Variants in IPP observed in about 807,000 individuals in gnomAD.
IPP encodes actin-binding protein IPP.
IPP carries 41 observed loss-of-function variants against 64.1 expected under a neutral mutation model. That is an observed-to-expected ratio of 0.64 (90% CI 0.50 to 0.83). The LOEUF is 0.83. Ranked by LOEUF, IPP falls within the 40% of genes least tolerant of loss-of-function variation. The pLI, the probability that IPP is intolerant of heterozygous loss-of-function variation, is 0.00. For synonymous variants in IPP, 214 were observed against 235.2 expected, an observed-to-expected ratio of 0.91 and a Z score of 0.83; for missense variants, 649 against 703.0, an observed-to-expected ratio of 0.92 and a Z score of 0.87.
At chr1:45,725,053 CGGGA>C in intron 5 of IPP, among the ~76,000 whole-genome samples, 1 of 139,816 alleles carries the variant, frequency 7.2e-6, no homozygotes, top group African/African-American at 2.7e-5. Context: ...CCGCCCCGTC[CGGGA>C]GGGAGGTGGG....
At chr1:45,724,131 G>A (rs1213137485) in intron 5 of IPP, among the ~76,000 whole-genome samples, 1 of 152,060 alleles carries the variant, frequency 6.6e-6, no homozygotes, top group Non-Finnish European at 1.5e-5. Context: ...GCAGGCGCGC[G>A]CCGCCACGCC....
chr1:45,735,630 T>A (rs967437310), intron 3 of IPP, among the ~76,000 whole-genome samples: 5 of 137,036 alleles, frequency 3.6e-5, no homozygotes, highest in African/African-American at 1.4e-4. Context: ...TATTTTTTTT[T>A]TTTTTTTTTT....
At position 45,717,076 on chromosome 1, in the gene IPP, G is replaced by T. The variant is rs1645669609; in HGVS notation, c.1187-59C>A. The T allele has an allele frequency of 2.5e-5, 39 of 1,536,872 alleles. No homozygotes were observed. The South Asian group carries it at 4.3e-4, about 17-fold the overall frequency. On this transcript the variant is annotated intron_variant, in intron 6 of 8. Transcript: ENST00000396478. ...ATAAAAGATTCTTATTTATGACAAA[G>T]ACCTTAGAAAACATCTAAACCAAAT...
At chr1:45,741,460 G>A (rs1363894627) in intron 2 of IPP, 128 bp from the exon 3 acceptor site, 1 of 636,332 alleles carries the variant, frequency 1.6e-6, no homozygotes, top group Non-Finnish European at 2.6e-6. Context: ...ACTAAAAAAG[G>A]CAATCAAGGA....
intron 5 of IPP, among the ~76,000 whole-genome samples, chr1:45,725,008 T>A (rs1243963586): frequency 7.4e-3 from 272 of 36,676 alleles, no homozygotes; most frequent in Middle Eastern, 0.04. Context: ...CCCGTCCAGG[T>A]GGGAGGTGGG....
chr1:45,735,106 T>C (rs528568952), intron 3 of IPP, among the ~76,000 whole-genome samples: 3 of 150,588 alleles, frequency 2.0e-5, no homozygotes, highest in African/African-American at 7.3e-5. Context: ...TATTTTGAGA[T>C]GGAGTCTTGC....
At position 45,699,666 on chromosome 1, in the gene IPP, A is replaced by AT. The variant is rs1006241163; in HGVS notation, c.*299dup. 4.0e-5 allele frequency: 43 copies of AT among 1,085,780 alleles called. No homozygotes were observed. The highest frequency in any genetic ancestry group is 3.1e-4 in the East Asian group (6 of 19,432). The allele number at this position is 1,085,780 out of a possible 1,614,324, so 67.3% of individuals were successfully genotyped here. On this transcript the variant is annotated 3_prime_UTR_variant, in exon 9 of 9. Transcript: ENST00000396478. ...TTTTAGAAAAATCATTCTTGAGTTTATTTTTTTTCTTTAAGAGACAGGATC... is the reference window on the plus strand; with the variant it reads ...TTTTAGAAAAATCATTCTTGAGTTTATTTTTTTTTCTTTAAGAGACAGGATC...
intron 2 of IPP, 98 bp from the exon 3 acceptor site, chr1:45,741,430 T>C: frequency 2.4e-6 from 2 of 830,264 alleles, no homozygotes; most frequent in South Asian, 1.8e-5. Context: ...GATAGTTTGA[T>C]GCCTGCAGAG....
chr1:45,739,980 T>C (rs1488183287), intron 3 of IPP, among the ~76,000 whole-genome samples: 1 of 152,170 alleles, frequency 6.6e-6, no homozygotes, highest in Non-Finnish European at 1.5e-5. Context: ...CCTTCCGCAG[T>C]GTTTGTGTCC....
Position 45,730,994 on chromosome 1 carries a change from C to G in IPP, c.725-1225G>C, listed in dbSNP as rs529698584. On this transcript the variant is annotated intron_variant, in intron 3 of 8. Transcript: ENST00000396478. ...AACACTGTGCTAGCCAAAGTCCACA[C>G]TAGTGGGATACATCTCTGGCTAGGT... Among the ~76,000 whole-genome samples the G allele has an allele frequency of 4.6e-5, 7 of 152,332 alleles. No individual in the cohort carries two copies. The South Asian group carries it at 1.2e-3, about 27-fold the overall frequency.
intron 8 of IPP, among the ~76,000 whole-genome samples, chr1:45,707,422 C>CAAA (rs66578618): frequency 0.027 from 1,976 of 73,486 alleles, 83 homozygotes; most frequent in Non-Finnish European, 0.035. Context: ...GACTCCATAT[C>CAAA]AAAAAAAAAA....
intron 1 of IPP, among the ~76,000 whole-genome samples, chr1:45,746,956 G>C (rs1475027152): frequency 6.6e-6 from 1 of 152,076 alleles, no homozygotes; most frequent in Non-Finnish European, 1.5e-5. Flanking sequence ...CTTCCTCCAG[G>C]AACCTTTCCC....
intron 1 of IPP, among the ~76,000 whole-genome samples, 184 bp downstream of exon 1, chr1:45,750,413 G>A (rs1300496252): frequency 6.6e-6 from 1 of 152,236 alleles, no homozygotes; most frequent in Non-Finnish European, 1.5e-5. Context: ...GGACGAGAAG[G>A]TCTGGGGAGG....
intron 3 of IPP, among the ~76,000 whole-genome samples, chr1:45,733,453 A>G (rs1301128341): frequency 6.8e-6 from 1 of 147,452 alleles, no homozygotes. Flanking sequence ...AAATAAATAA[A>G]TAAATAAGCA....
At chr1:45,706,329 A>G (rs28442079) in intron 8 of IPP, among the ~76,000 whole-genome samples, 43,580 of 152,118 alleles carry the variant, frequency 0.29, 6,384 homozygotes, top group South Asian at 0.37. Context: ...GCTGGGTACC[A>G]TGGCATGTAT....
chr1:45,717,583 C>A (rs1331809157), intron 6 of IPP, among the ~76,000 whole-genome samples: 3 of 151,754 alleles, frequency 2.0e-5, no homozygotes, highest in Admixed American at 6.6e-5. Flanking sequence ...TCGGCTCAGG[C>A]TCAGTGCAAG....
intron 3 of IPP, among the ~76,000 whole-genome samples, chr1:45,739,496 C>T (rs1441700887): frequency 7.5e-6 from 1 of 133,024 alleles, no homozygotes; most frequent in African/African-American, 2.8e-5. Flanking sequence ...CTAAAGCGAT[C>T]TGCCTGCCTT....
rs1485640678 is a variant in IPP, at chr1:45,722,403, T to C, written c.1049-3063A>G. On this transcript the variant is annotated intron_variant, in intron 5 of 8. Transcript: ENST00000396478. ...CCATCTCTATTAAAAATACAAAAAT[T>C]AGCCAGGTGTGGTGGTGCATGCCTG... is the stretch of plus-strand genomic sequence containing the variant. Among the ~76,000 whole-genome samples the C allele has an allele frequency of 2.6e-5, 4 of 151,024 alleles. No individual in the cohort carries two copies. The East Asian group carries it at 7.8e-4, about 29-fold the overall frequency.
At position 45,698,717 on chromosome 1, in the gene IPP, C is replaced by CTTTTTTTTTTTTTTTTTTT; in HGVS notation, c.*1230_*1248dup. The CTTTTTTTTTTTTTTTTTTT allele has an allele frequency of 1.5e-6, 1 of 686,394 alleles. No homozygotes were observed. Among genetic ancestry groups the CTTTTTTTTTTTTTTTTTTT allele is most frequent in the Non-Finnish European group, 1.7e-6 (1 of 573,314 alleles). The allele number at this position is 686,394 out of a possible 1,614,324, so 42.5% of individuals were successfully genotyped here. A position where few individuals can be genotyped will look rare whatever the true frequency, so the allele number is the denominator to read the frequency against. ...AGCAAAAAAGGAAGAATTTTTTTTT[C>CTTTTTTTTTTTTTTTTTTT]TTTTTTTTTTTTTTTTTTTGAGACA... is the stretch of plus-strand genomic sequence containing the variant. On this transcript the variant is annotated 3_prime_UTR_variant, in exon 9 of 9. Transcript: ENST00000396478.
Sources: gnomAD v4.1 joint callset for allele counts (sites outside exome capture counted in the v4.1 genomes callset) on GRCh38, gnomAD v4.1.1 for gene constraint, MANE v1.5 for transcripts, NCBI Gene and HGNC (gene_info 2026-07-23, HGNC 2026-07-21) for gene names.